Variants in NOL10 observed in about 807,000 individuals in gnomAD.
NOL10 encodes the protein nucleolar protein 10.
NOL10 carries 58 observed loss-of-function variants against 103.5 expected under a neutral mutation model. The observed-to-expected ratio is 0.56, with a 90% CI of 0.45 to 0.70. NOL10 has a LOEUF of 0.70. Ranked by LOEUF, NOL10 falls within the 30% of genes least tolerant of loss-of-function variation. The pLI is 0.00. For missense variants in NOL10, 763 were observed against 807.3 expected (o/e 0.95, Z 0.67); for synonymous variants, 287 against 282.5 (o/e 1.02, Z -0.16).
intron 13 of NOL10, among the ~76,000 whole-genome samples, chr2:10,618,782 A>C (rs1224571424): frequency 6.6e-6 from 1 of 152,204 alleles, no homozygotes; most frequent in Non-Finnish European, 1.5e-5. Context: ...GATGGGGCAC[A>C]CCTCAGTTCT....
At chr2:10,632,047 G>A (rs567222378) in intron 13 of NOL10, among the ~76,000 whole-genome samples, 21 of 152,110 alleles carry the variant, frequency 1.4e-4, no homozygotes, top group Non-Finnish European at 2.2e-4. Flanking sequence ...CATTAAGTAC[G>A]GTCAAGAAGC....
chr2:10,617,951 C>T (rs1676917042), intron 13 of NOL10, among the ~76,000 whole-genome samples: 1 of 151,852 alleles, frequency 6.6e-6, no homozygotes, highest in Non-Finnish European at 1.5e-5. Flanking sequence ...GGAAGAAAAA[C>T]TGGCATGGGG....
chr2:10,588,993 A>G, intron 19 of NOL10, 50 bp downstream of exon 19: 1 of 1,597,192 alleles, frequency 6.3e-7, no homozygotes, highest in Middle Eastern at 1.7e-4. Flanking sequence ...AGAGAGGAAA[A>G]GCAAGGGCTT....
At chr2:10,683,609 C>T (rs1681939171) in intron 2 of NOL10, among the ~76,000 whole-genome samples, 1 of 152,174 alleles carries the variant, frequency 6.6e-6, no homozygotes, top group African/African-American at 2.4e-5. Flanking sequence ...GGGTTGTTTA[C>T]ACTGCTGAGA....
At position 10,644,703 on chromosome 2, in the gene NOL10, G is replaced by A. The variant is rs185242428; in HGVS notation, c.974-331C>T. Reference sequence around the variant, plus strand: ...TACAGCACAGTCACTCCCTCACAGGGAATTATAACAGACTGAACCAACAGG... The same window carrying A: ...TACAGCACAGTCACTCCCTCACAGGAAATTATAACAGACTGAACCAACAGG... On this transcript the variant is annotated intron_variant, in intron 12 of 20. Coordinates refer to ENST00000381685, the MANE Select transcript of NOL10 (RefSeq NM_024894.4). Among the ~76,000 whole-genome samples, 167 of 152,274 alleles carry A rather than the reference G, an allele frequency of 1.1e-3. 6 individuals carry two copies. The East Asian group carries it at 0.02, about 18-fold the overall frequency.
chr2:10,633,895 T>C (rs774681321), intron 13 of NOL10, among the ~76,000 whole-genome samples: 2 of 152,034 alleles, frequency 1.3e-5, no homozygotes, highest in Non-Finnish European at 2.9e-5. Flanking sequence ...AGCATGGTCA[T>C]AGCTTACTGT....
chr2:10,636,589 GAC>G (rs1678242176), intron 13 of NOL10, among the ~76,000 whole-genome samples: 1 of 147,498 alleles, frequency 6.8e-6, no homozygotes, highest in South Asian at 2.2e-4. Context: ...CACCCTGGGA[GAC>G]AGAGTGCGAC....
Position 10,640,436 on chromosome 2 carries a change from G to A in NOL10, c.1026+3884C>T, listed in dbSNP as rs553228328. On this transcript the variant is annotated intron_variant, in intron 13 of 20. Coordinates refer to ENST00000381685, the MANE Select transcript of NOL10 (RefSeq NM_024894.4). ...AGTCCAAGTTTCAGCATAATGCTTC[G>A]CTTAGCAAAAGCAACTTCTGCTCAC... 2.0e-4 allele frequency among the ~76,000 whole-genome samples: 31 copies of A among 152,260 alleles called. No homozygotes were observed. In the South Asian group the frequency reaches 2.5e-3, roughly 12 times the overall value.
chr2:10,611,105 A>G (rs1177545813), intron 13 of NOL10, among the ~76,000 whole-genome samples: 1 of 152,212 alleles, frequency 6.6e-6, no homozygotes, highest in East Asian at 1.9e-4. Flanking sequence ...TATTTCTTCA[A>G]CTCACAGGTC....
At chr2:10,657,652 T>C in intron 11 of NOL10, 90 bp downstream of exon 11, 2 of 1,135,464 alleles carry the variant, frequency 1.8e-6, no homozygotes, top group South Asian at 1.8e-5. Context: ...TCTTTCCCAA[T>C]AACCCACATA....
chr2:10,581,810 G>C (rs1674769407), intron 19 of NOL10, among the ~76,000 whole-genome samples: 1 of 150,964 alleles, frequency 6.6e-6, no homozygotes, highest in Non-Finnish European at 1.5e-5. Flanking sequence ...GACAGTGTGA[G>C]ACCCATCTCA....
At chr2:10,650,379 G>C (rs1679381770) in intron 12 of NOL10, among the ~76,000 whole-genome samples, 1 of 151,652 alleles carries the variant, frequency 6.6e-6, no homozygotes, top group African/African-American at 2.4e-5. Flanking sequence ...TGACAAGGCT[G>C]GTCTTGAACT....
intron 20 of NOL10, among the ~76,000 whole-genome samples, chr2:10,575,506 A>G (rs1041213056): frequency 6.6e-6 from 1 of 152,246 alleles, no homozygotes; most frequent in Non-Finnish European, 1.5e-5. Flanking sequence ...TCCTCAAAAC[A>G]GTTTCAAAGC....
chr2:10,606,420 T>A (rs1247038221), intron 14 of NOL10, among the ~76,000 whole-genome samples: 1 of 149,806 alleles, frequency 6.7e-6, no homozygotes, highest in African/African-American at 2.5e-5. Context: ...AGGCCAGGAG[T>A]TCAAGACCAG....
chr2:10,647,455 A>G (rs1679160454), intron 12 of NOL10, among the ~76,000 whole-genome samples: 1 of 152,268 alleles, frequency 6.6e-6, no homozygotes, highest in Non-Finnish European at 1.5e-5. Context: ...CAAATGTGTG[A>G]TCATTTTCCT....
rs777045958 is a variant in NOL10 at position 10,589,635 on chromosome 2, A to G, written c.1539T>C (p.Ile513=). 1 of 1,588,704 alleles carries G rather than the reference A, an allele frequency of 6.3e-7. No homozygotes were observed. The highest frequency in any genetic ancestry group is 8.5e-7 in the Non-Finnish European group (1 of 1,170,868). The change falls in exon 18 of 21, where the codon ATT becomes ATC. Residue 513 remains isoleucine (I), a synonymous_variant. Transcript: ENST00000381685. The part of the protein sequence containing the change: ...FRLLNPLVSK[I]SEKRKKKLRL... ...TTAGTTTCTTCTTCCTTTTTTCACT[A>G]ATTTTTGAAACAAGTGGATTCAGAA... is the stretch of plus-strand genomic sequence containing the variant.
intron 16 of NOL10, among the ~76,000 whole-genome samples, chr2:10,602,091 T>C (rs1367924102): frequency 6.6e-6 from 1 of 152,164 alleles, no homozygotes; most frequent in Non-Finnish European, 1.5e-5. Flanking sequence ...TCCACAGCAG[T>C]GGTGGATTCC....
chr2:10,588,908 T>C (rs1003017492), intron 19 of NOL10, 135 bp downstream of exon 19: 1 of 1,350,832 alleles, frequency 7.4e-7, no homozygotes, highest in Admixed American at 2.2e-5. Flanking sequence ...TTACCTCCCC[T>C]GCTTCCCTCG....
intron 11 of NOL10, 71 bp from the exon 12 acceptor site, chr2:10,654,618 C>T (rs1679702681): frequency 1.1e-6 from 1 of 870,358 alleles, no homozygotes; most frequent in Non-Finnish European, 1.8e-6. Flanking sequence ...CAAACTGAAG[C>T]TGTAACTCAA....
Sources: allele counts gnomAD v4.1 joint callset (sites outside exome capture counted in the v4.1 genomes callset), GRCh38; gene constraint gnomAD v4.1.1; transcripts MANE v1.5; gene names NCBI Gene and HGNC (gene_info 2026-07-23, HGNC 2026-07-21).